CLSTN2: variants seen among roughly 807,000 people sequenced by gnomAD.
CLSTN2 encodes calsyntenin-2.
In CLSTN2, 48 loss-of-function variants were observed where a neutral mutation model predicts 101.2. The ratio of observed to expected loss-of-function variants is 0.47; its 90% CI spans 0.38 to 0.60. The LOEUF is 0.60. Among genes scored for constraint, CLSTN2 ranks in the 20% least tolerant of loss-of-function variants. The pLI is 0.00. For missense variants in CLSTN2, 1,160 were observed against 1,238.2 expected, an observed-to-expected ratio of 0.94 and a Z score of 0.95; for synonymous variants, 481 against 463.6, an observed-to-expected ratio of 1.04 and a Z score of -0.48.
At chr3:140,304,311 T>C (rs1481911170) in intron 2 of CLSTN2, among the ~76,000 whole-genome samples, 1 of 152,204 alleles carries the variant, frequency 6.6e-6, no homozygotes, top group African/African-American at 2.4e-5. Flanking sequence ...TGGACAGCCA[T>C]AACAAAATAC....
intron 1 of CLSTN2, among the ~76,000 whole-genome samples, chr3:140,074,862 C>T (rs1022799700): frequency 2.6e-5 from 4 of 152,196 alleles, no homozygotes; most frequent in African/African-American, 9.7e-5. Flanking sequence ...ACTGCAATGC[C>T]TTCCCTGGCT....
intron 2 of CLSTN2, among the ~76,000 whole-genome samples, chr3:140,371,674 A>G (rs1345551929): frequency 6.6e-6 from 1 of 152,198 alleles, no homozygotes; most frequent in Admixed American, 6.5e-5. Context: ...CAGCTGAGAG[A>G]CTGCAAGTCA....
At chr3:140,234,627 T>C (rs1051834139) in intron 2 of CLSTN2, among the ~76,000 whole-genome samples, 8 of 152,174 alleles carry the variant, frequency 5.3e-5, no homozygotes, top group African/African-American at 1.7e-4. Flanking sequence ...AGAAATTCCC[T>C]ATCACAGCCA....
At chr3:140,180,488 T>C (rs775211353) in intron 2 of CLSTN2, among the ~76,000 whole-genome samples, 7 of 152,064 alleles carry the variant, frequency 4.6e-5, no homozygotes, top group Non-Finnish European at 8.8e-5. Context: ...GAAAAGAAAA[T>C]CCTTGAGTAA....
At chr3:140,174,135 A>G (rs2010284918) in intron 1 of CLSTN2, among the ~76,000 whole-genome samples, 1 of 152,204 alleles carries the variant, frequency 6.6e-6, no homozygotes, top group South Asian at 2.1e-4. Flanking sequence ...CACCCAAGTC[A>G]TCTCTTGAAT....
intron 1 of CLSTN2, among the ~76,000 whole-genome samples, chr3:140,122,759 T>C (rs1026184799): frequency 6.6e-6 from 1 of 152,190 alleles, no homozygotes; most frequent in Non-Finnish European, 1.5e-5. Flanking sequence ...GTCTGCAAAC[T>C]TGATCTGTAA....
intron 1 of CLSTN2, among the ~76,000 whole-genome samples, chr3:140,049,531 A>T (rs1426163702): frequency 6.6e-6 from 1 of 152,034 alleles, no homozygotes; most frequent in Non-Finnish European, 1.5e-5. Context: ...GGGGACTATT[A>T]CCTCCAGTAC....
intron 1 of CLSTN2, among the ~76,000 whole-genome samples, chr3:140,086,134 A>G (rs1311254036): frequency 6.6e-6 from 1 of 152,220 alleles, no homozygotes; most frequent in African/African-American, 2.4e-5. Context: ...AGGAATGACA[A>G]ATGGATTTCC....
At chr3:140,032,059 G>A (rs571892494) in intron 1 of CLSTN2, among the ~76,000 whole-genome samples, 31 of 152,290 alleles carry the variant, frequency 2.0e-4, no homozygotes, top group Non-Finnish European at 3.4e-4. Context: ...AGTAGAGGTG[G>A]GAAGGACCCT....
chr3:140,503,552 A>T (rs532880693), intron 8 of CLSTN2, among the ~76,000 whole-genome samples: 57 of 151,920 alleles, frequency 3.8e-4, no homozygotes, highest in Non-Finnish European at 7.6e-4. Flanking sequence ...CGAAGGACGC[A>T]TTTCTTAGAA....
intron 2 of CLSTN2, among the ~76,000 whole-genome samples, chr3:140,311,130 T>C (rs919339600): frequency 6.6e-5 from 10 of 152,084 alleles, no homozygotes; most frequent in South Asian, 4.2e-4. Context: ...ATTTTAAAAA[T>C]AGTAAGAGGC....
Position 140,360,395 on chromosome 3 carries a change from C to A in CLSTN2, c.233-43234C>A, listed in dbSNP as rs2087716819. On this transcript the variant is annotated intron_variant, in intron 2 of 16. Transcript: ENST00000458420. ...AATCCATATAGTGAAAAGTGATATA[C>A]TAAAATAAAACTGGCTGGTGTGACA... is the stretch of plus-strand genomic sequence containing the variant. 4.6e-5 allele frequency among the ~76,000 whole-genome samples: 7 copies of A among 152,146 alleles called. 1 individual carries two copies. The South Asian group carries it at 1.5e-3, about 32-fold the overall frequency.
intron 1 of CLSTN2, among the ~76,000 whole-genome samples, chr3:140,090,631 A>G (rs894935476): frequency 3.3e-5 from 5 of 152,202 alleles, no homozygotes; most frequent in Non-Finnish European, 7.3e-5. Flanking sequence ...TTGGAGGCAC[A>G]ACACTAACAC....
intron 1 of CLSTN2, among the ~76,000 whole-genome samples, chr3:139,966,066 G>T (rs1008407774): frequency 4.6e-5 from 7 of 152,284 alleles, no homozygotes; most frequent in African/African-American, 9.6e-5. Context: ...TAGTGGAAAA[G>T]GTGCTCTGGG....
At chr3:140,236,767 T>C (rs1363792056) in intron 2 of CLSTN2, among the ~76,000 whole-genome samples, 1 of 151,876 alleles carries the variant, frequency 6.6e-6, no homozygotes, top group African/African-American at 2.4e-5. Flanking sequence ...TCTCATCCAA[T>C]ATATTTTTAA....
intron 1 of CLSTN2, among the ~76,000 whole-genome samples, chr3:140,111,164 C>T (rs2009149933): frequency 6.6e-6 from 1 of 152,134 alleles, no homozygotes; most frequent in Non-Finnish European, 1.5e-5. Context: ...CTGCAGTAGT[C>T]CTGTGCTCAG....
chr3:140,090,484 G>A (rs1166499328), intron 1 of CLSTN2, among the ~76,000 whole-genome samples: 1 of 152,058 alleles, frequency 6.6e-6, no homozygotes, highest in African/African-American at 2.4e-5. Context: ...TTGAAGATCA[G>A]TGAGAAAAAA....
intron 1 of CLSTN2, among the ~76,000 whole-genome samples, chr3:140,065,946 T>C (rs775373933): frequency 4.6e-5 from 7 of 152,232 alleles, no homozygotes; most frequent in Non-Finnish European, 8.8e-5. Flanking sequence ...TTTCATGTTT[T>C]CATGATTTTC....
At chr3:140,427,758 T>C (rs192276965) in intron 5 of CLSTN2, among the ~76,000 whole-genome samples, 1 of 152,180 alleles carries the variant, frequency 6.6e-6, no homozygotes, top group Non-Finnish European at 1.5e-5. Flanking sequence ...TTCTTTTTTT[T>C]ATTATTTCCT....
Sources: allele counts gnomAD v4.1 joint callset (sites outside exome capture counted in the v4.1 genomes callset), GRCh38; gene constraint gnomAD v4.1.1; transcripts MANE v1.5; gene names NCBI Gene and HGNC (gene_info 2026-07-23, HGNC 2026-07-21).